The following ACAP2 variants were observed in gnomAD, a reference collection of about 807,000 sequenced individuals.
ACAP2 encodes ArfGAP with coiled-coil, ankyrin repeat and PH domains 2.
ACAP2 carries 39 observed loss-of-function variants against 115.8 expected under a neutral mutation model. The ratio of observed to expected loss-of-function variants is 0.34; its 90% CI spans 0.26 to 0.44. The LOEUF (loss-of-function observed/expected upper bound fraction) is 0.44. Ranked by LOEUF, ACAP2 falls within the 20% of genes least tolerant of loss-of-function variation. ACAP2 has a pLI of 1.00. For synonymous variants in ACAP2, 289 were observed against 315.8 expected (o/e 0.92, Z 0.90); for missense variants, 662 against 927.6 (o/e 0.71, Z 3.72).
intron 22 of ACAP2, among the ~76,000 whole-genome samples, chr3:195,284,905 T>A: frequency 6.6e-6 from 1 of 152,186 alleles, no homozygotes; most frequent in African/African-American, 2.4e-5. Flanking sequence ...ATAATTACTC[T>A]CTTCTTTGTG....
intron 18 of ACAP2, among the ~76,000 whole-genome samples, chr3:195,294,253 G>C (rs1727469085): frequency 1.3e-5 from 2 of 151,880 alleles, no homozygotes; most frequent in Non-Finnish European, 2.9e-5. Flanking sequence ...TCCTCCCCTA[G>C]TTACCTTCTA....
chr3:195,394,470 T>G (rs988948027), intron 1 of ACAP2, among the ~76,000 whole-genome samples: 1 of 152,228 alleles, frequency 6.6e-6, no homozygotes, highest in Non-Finnish European at 1.5e-5. Flanking sequence ...TTCTCCAATC[T>G]TATTTCACTG....
intron 21 of ACAP2, among the ~76,000 whole-genome samples, chr3:195,286,283 T>TA (rs1428916402): frequency 6.6e-6 from 1 of 152,210 alleles, no homozygotes; most frequent in Non-Finnish European, 1.5e-5. Context: ...TGCAGACATA[T>TA]AAACAGCATG....
intron 10 of ACAP2, among the ~76,000 whole-genome samples, chr3:195,311,103 G>GTT (rs35752425): frequency 0.011 from 1,502 of 139,218 alleles, 23 homozygotes; most frequent in African/African-American, 0.015. Flanking sequence ...TTTTTTTTTT[G>GTT]TTTTTTTTTT....
chr3:195,393,197 G>A (rs750167568), intron 1 of ACAP2, among the ~76,000 whole-genome samples: 3 of 152,108 alleles, frequency 2.0e-5, no homozygotes, highest in Non-Finnish European at 2.9e-5. Context: ...TGAGCCAGGC[G>A]TGGTGGCTCA....
rs1489561462 is a variant in ACAP2 at position 195,382,032 on chromosome 3, A to G, written c.112-10T>C. 6.6e-7 allele frequency: 1 copy of G among 1,520,272 alleles called. No individual in the cohort carries two copies. The highest frequency in any genetic ancestry group is 8.9e-7 in the Non-Finnish European group (1 of 1,128,314). 94.2% of individuals were successfully genotyped at this position (1,520,272 alleles called of 1,614,324 possible). ...TACAAAGTTTCACAAGCTGAAAAAG[A>G]AAAAAAAAATTCATCAGGTTGAAGA... On this transcript the variant is annotated splice_polypyrimidine_tract_variant and intron_variant, in intron 2 of 22. Coordinates refer to ENST00000326793, the MANE Select transcript of ACAP2 (RefSeq NM_012287.6).
At chr3:195,301,437 A>C in intron 15 of ACAP2, 138 bp downstream of exon 15, 1 of 697,798 alleles carries the variant, frequency 1.4e-6, no homozygotes, top group Non-Finnish European at 2.4e-6. Context: ...TTGCCAAAAT[A>C]GCCTCAGATG....
rs115920436 is a variant in ACAP2 at position 195,286,363 on chromosome 3, G to C, written c.2175-506C>G. Among the ~76,000 whole-genome samples the C allele has an allele frequency of 8.0e-3, 1,224 of 152,282 alleles. 15 individuals are homozygous for C. Among genetic ancestry groups the C allele is most frequent in the African/African-American group, 0.028 (1,155 of 41,562 alleles). On this transcript the variant is annotated intron_variant, in intron 21 of 22. Transcript: ENST00000326793. ...ATAATAAATGACTATAGGTTACCAA[G>C]AATTTCCTAACATTACCATATTGCT...
chr3:195,433,473 A>G (rs576995848), intron 1 of ACAP2, among the ~76,000 whole-genome samples: 1 of 152,132 alleles, frequency 6.6e-6, no homozygotes, highest in South Asian at 2.1e-4. Flanking sequence ...CTCTGGCTCT[A>G]TCCTCTGCTA....
intron 9 of ACAP2, chr3:195,326,342 A>G (rs1392856364): frequency 6.6e-6 from 1 of 152,280 alleles, no homozygotes; most frequent in Non-Finnish European, 1.5e-5. Context: ...TTAATATTTG[A>G]GTTCTCATTT....
intron 1 of ACAP2, among the ~76,000 whole-genome samples, chr3:195,412,176 A>AG: frequency 7.0e-6 from 1 of 143,752 alleles, no homozygotes; most frequent in South Asian, 2.1e-4. Context: ...AAAAAAAAAA[A>AG]AAAAAAAAAA....
At chr3:195,313,349 T>G (rs1728883389) in intron 10 of ACAP2, among the ~76,000 whole-genome samples, 1 of 152,228 alleles carries the variant, frequency 6.6e-6, no homozygotes, top group Non-Finnish European at 1.5e-5. Context: ...GCGCCTCATC[T>G]TAATAAGCTG....
At chr3:195,402,201 T>A in intron 1 of ACAP2, among the ~76,000 whole-genome samples, 1 of 152,032 alleles carries the variant, frequency 6.6e-6, no homozygotes, top group Non-Finnish European at 1.5e-5. Context: ...AAACATTTGT[T>A]GAATGGGTGA....
chr3:195,308,214 T>A (rs1272418107), intron 11 of ACAP2, among the ~76,000 whole-genome samples: 1 of 152,180 alleles, frequency 6.6e-6, no homozygotes, highest in Non-Finnish European at 1.5e-5. Flanking sequence ...CATTCTGTCC[T>A]ATAACCTTTG....
chr3:195,359,797 T>C (rs1252975374), intron 4 of ACAP2, among the ~76,000 whole-genome samples: 2 of 152,170 alleles, frequency 1.3e-5, no homozygotes, highest in Non-Finnish European at 2.9e-5. Context: ...AGTTTTCTTT[T>C]TGTTGGCTTG....
intron 1 of ACAP2, among the ~76,000 whole-genome samples, chr3:195,394,259 C>T (rs147361355): frequency 1.3e-5 from 2 of 152,210 alleles, no homozygotes; most frequent in East Asian, 1.9e-4. Flanking sequence ...AGTACAGACA[C>T]GCAAACAAAA....
At chr3:195,345,826 G>T (rs1046802796) in intron 4 of ACAP2, among the ~76,000 whole-genome samples, 5 of 152,118 alleles carry the variant, frequency 3.3e-5, no homozygotes, top group African/African-American at 1.2e-4. Flanking sequence ...TTAAATAACT[G>T]CTAACAGTAG....
At chr3:195,302,663 A>C (rs1728141763) in intron 13 of ACAP2, among the ~76,000 whole-genome samples, 1 of 152,220 alleles carries the variant, frequency 6.6e-6, no homozygotes, top group Admixed American at 6.5e-5. Context: ...AGCTTATATA[A>C]ATAGTAAAGA....
At chr3:195,422,317 A>G (rs1049473803) in intron 1 of ACAP2, among the ~76,000 whole-genome samples, 5 of 151,822 alleles carry the variant, frequency 3.3e-5, no homozygotes, top group Admixed American at 3.3e-4. Flanking sequence ...CTTTATCATT[A>G]TCACACATAA....
Sources: allele counts gnomAD v4.1 joint callset (sites outside exome capture counted in the v4.1 genomes callset), GRCh38; gene constraint gnomAD v4.1.1; transcripts MANE v1.5; gene names NCBI Gene and HGNC (gene_info 2026-07-23, HGNC 2026-07-21).